The following SSH1 variants were observed in gnomAD, a reference collection of about 807,000 sequenced individuals.
SSH1 encodes the protein slingshot protein phosphatase 1.
SSH1 carries 43 observed loss-of-function variants against 79.7 expected under a neutral mutation model. The observed-to-expected ratio is 0.54, with a 90% confidence interval of 0.42 to 0.70. SSH1 has a LOEUF of 0.70. Ranked by LOEUF, SSH1 falls within the 30% of genes least tolerant of loss-of-function variation. The pLI is 0.00. For missense variants in SSH1, 1,206 were observed against 1,358.8 expected, an observed-to-expected ratio of 0.89 and a Z score of 1.77; for synonymous variants, 599 against 538.3, an observed-to-expected ratio of 1.11 and a Z score of -1.56.
At chr12:108,790,126 T>A (rs1328827777) in intron 14 of SSH1, among the ~76,000 whole-genome samples, 10 of 149,604 alleles carry the variant, frequency 6.7e-5, no homozygotes. Flanking sequence ...ATCACCCACC[T>A]GCTTAAAGGC....
Position 108,809,816 on chromosome 12 carries a change from A to G in SSH1, c.471-58T>C, listed in dbSNP as rs985857280. ...TGGTGAGAAATCAGCGCCTTGAGTG[A>G]AATCACTCTGGGAGGAGGGAGCCAA... On this transcript the variant is annotated intron_variant, in intron 6 of 14. Transcript: ENST00000326495. The G allele has an allele frequency of 3.7e-5, 55 of 1,485,334 alleles. No homozygotes were observed. The Middle Eastern group carries it at 1.5e-3, about 41-fold the overall frequency. The allele number at this position is 1,485,334 out of a possible 1,614,324, so 92.0% of individuals were successfully genotyped here.
Position 108,857,539 on chromosome 12 carries a change from G to A in SSH1, c.-43C>T. 9.6e-7 allele frequency: 1 copy of A among 1,043,190 alleles called. No individual in the cohort carries two copies. The highest frequency in any genetic ancestry group is 1.1e-4 in the East Asian group (1 of 9,456). The allele number at this position is 1,043,190 out of a possible 1,614,324, so 64.6% of individuals were successfully genotyped here. A position where few individuals can be genotyped will look rare whatever the true frequency, so the allele number is the denominator to read the frequency against. ...AGGGCGCCACAGACGTCTCGAGCTA[G>A]AGCCGCCACCGCCACCGCCGCCCGG... On this transcript the variant is annotated 5_prime_UTR_variant, in exon 1 of 15. Transcript: ENST00000326495. This position sits in a 1 kb window ranked among gnomAD's most constrained non-coding sequence, Gnocchi z 4.7.
rs1464073222 is a variant in SSH1, at chr12:108,787,719, T to C, written c.*269A>G. 5.8e-6 allele frequency: 3 copies of C among 516,972 alleles called. No homozygotes were observed. Among genetic ancestry groups the C allele is most frequent in the African/African-American group, 1.9e-5 (1 of 52,354 alleles). 32.0% of individuals were successfully genotyped at this position (516,972 alleles called of 1,614,324 possible). A position where few individuals can be genotyped will look rare whatever the true frequency, so the allele number is the denominator to read the frequency against. Reference sequence around the variant, plus strand: ...GCACGTTCTTCCTAAAACATGGTTCTTCTTGAAGACACGGTGGGAGCGGAG... The same window carrying C: ...GCACGTTCTTCCTAAAACATGGTTCCTCTTGAAGACACGGTGGGAGCGGAG... On this transcript the variant is annotated 3_prime_UTR_variant, in exon 15 of 15. Transcript: ENST00000326495.
At chr12:108,806,154 C>T (rs1593046150) in intron 9 of SSH1, 147 bp downstream of exon 9, 15 of 783,282 alleles carry the variant, frequency 1.9e-5, no homozygotes, top group African/African-American at 3.4e-5. Flanking sequence ...AATTGTAGAA[C>T]GAGGCAGAAA....
chr12:108,803,986 T>C (rs1190125891), intron 10 of SSH1, among the ~76,000 whole-genome samples: 1 of 152,224 alleles, frequency 6.6e-6, no homozygotes, highest in Non-Finnish European at 1.5e-5. Context: ...CTTCCTTAGC[T>C]TTCCCAGGAA....
At chr12:108,825,695 T>C (rs1464094456) in intron 2 of SSH1, among the ~76,000 whole-genome samples, 3 of 152,330 alleles carry the variant, frequency 2.0e-5, no homozygotes, top group African/African-American at 7.2e-5. Context: ...CATATATTTG[T>C]GCTGCAAGGT....
Position 108,799,094 on chromosome 12 carries a change from C to A in SSH1, c.1255G>T (p.Ala419Ser), listed in dbSNP as rs758895516. ...CGCTTCTGCTTTACATAGTTATATG[C>A]TTTTTCCAGAGGCCAGCCGAATTCC... ...MKEFGWPLEK[A>S]YNYVKQKRSI... is the part of the protein sequence containing the mutation. The change falls in exon 13 of 15, where the codon GCA (alanine) becomes TCA (serine). Residue 419 changes from alanine to serine, a missense_variant. By Grantham distance (99) the Ala-to-Ser change is moderately conservative (BLOSUM62 1). Transcript: ENST00000326495. 6.2e-7 allele frequency: 1 copy of A among 1,614,208 alleles called. No homozygotes were observed.
chr12:108,797,509 T>C (rs767159721), intron 13 of SSH1, among the ~76,000 whole-genome samples: 1 of 152,118 alleles, frequency 6.6e-6, no homozygotes, highest in Non-Finnish European at 1.5e-5. Flanking sequence ...TTTTACCAAT[T>C]GAATGTTGCC....
intron 2 of SSH1, among the ~76,000 whole-genome samples, chr12:108,828,682 C>T (rs1248024960): frequency 6.6e-6 from 1 of 152,214 alleles, no homozygotes; most frequent in African/African-American, 2.4e-5. Flanking sequence ...AGGGGACCCA[C>T]AGCCTTATCC....
At chr12:108,849,145 C>G (rs542159375) in intron 2 of SSH1, among the ~76,000 whole-genome samples, 1 of 152,190 alleles carries the variant, frequency 6.6e-6, no homozygotes, top group Non-Finnish European at 1.5e-5. Context: ...CCGGGAAAAC[C>G]CCCCTCCAAG....
chr12:108,799,175 GCA>G lies in SSH1; in HGVS notation c.1172_1173del (p.Val391AlafsTer30). ...GAGCGACTCACGCCCATTTTGCAAT[GCA>G]CCAGGCACTTGGAATGGTTCCTCCT... is the stretch of plus-strand genomic sequence containing the variant. ...KAKRNHSKCL[V>X]HCKMGVSRSA... On this transcript the variant is annotated frameshift_variant, in exon 13 of 15. Coordinates refer to ENST00000326495, the MANE Select transcript of SSH1 (RefSeq NM_018984.4). LOFTEE classifies it high-confidence loss of function. The G allele has an allele frequency of 6.2e-7, 1 of 1,613,960 alleles. No individual in the cohort carries two copies. The highest frequency in any genetic ancestry group is 8.5e-7 in the Non-Finnish European group (1 of 1,179,960).
chr12:108,818,441 A>G, intron 3 of SSH1, 128 bp from the exon 4 acceptor site: 2 of 764,446 alleles, frequency 2.6e-6, no homozygotes, highest in South Asian at 3.1e-5. Context: ...CCTACACCAC[A>G]GGAGAATCAC....
intron 2 of SSH1, among the ~76,000 whole-genome samples, chr12:108,840,992 G>A (rs1359704795): frequency 3.9e-5 from 6 of 152,220 alleles, no homozygotes; most frequent in African/African-American, 1.2e-4. Flanking sequence ...AGCAAATGAT[G>A]AGCAGCACAA....
chr12:108,787,717 T>G lies in SSH1; in HGVS notation c.*271A>C. ...GTGCACGTTCTTCCTAAAACATGGTTCTTCTTGAAGACACGGTGGGAGCGG... is the reference window on the plus strand; with the variant it reads ...GTGCACGTTCTTCCTAAAACATGGTGCTTCTTGAAGACACGGTGGGAGCGG... On this transcript the variant is annotated 3_prime_UTR_variant, in exon 15 of 15. Coordinates refer to ENST00000326495, the MANE Select transcript of SSH1 (RefSeq NM_018984.4). The G allele has an allele frequency of 2.0e-6, 1 of 511,900 alleles. No individual in the cohort carries two copies. The highest frequency in any genetic ancestry group is 3.5e-6 in the Non-Finnish European group (1 of 282,608). 31.7% of individuals were successfully genotyped at this position (511,900 alleles called of 1,614,324 possible).
intron 1 of SSH1, chr12:108,853,204 C>T (rs2039079702): frequency 6.1e-6 from 6 of 984,884 alleles, no homozygotes; most frequent in South Asian, 4.7e-5. Context: ...TGATGGTTCT[C>T]GAAAAGACTT....
chr12:108,826,374 C>G (rs2038308748), intron 2 of SSH1: 1 of 319,966 alleles, frequency 3.1e-6, no homozygotes, highest in African/African-American at 2.2e-5. Context: ...TGCCTCTGTT[C>G]CCCCACGACA....
chr12:108,816,978 T>C (rs1158681141), intron 5 of SSH1, 60 bp downstream of exon 5: 3 of 1,608,900 alleles, frequency 1.9e-6, no homozygotes, highest in East Asian at 4.5e-5. Context: ...ATGGAATGCT[T>C]TGTCCAGCAG....
chr12:108,852,297 G>A (rs892487254), intron 2 of SSH1, among the ~76,000 whole-genome samples: 12 of 149,682 alleles, frequency 8.0e-5, no homozygotes, highest in Non-Finnish European at 1.5e-4. Context: ...GTGCAGTGGC[G>A]CAATCTTGGC....
chr12:108,828,473 C>A (rs1435327860), intron 2 of SSH1, among the ~76,000 whole-genome samples: 1 of 152,228 alleles, frequency 6.6e-6, no homozygotes, highest in South Asian at 2.1e-4. Context: ...TCCGCTCATG[C>A]CTGCCCAGGT....
Sources: gnomAD v4.1 joint callset for allele counts (sites outside exome capture counted in the v4.1 genomes callset) on GRCh38, gnomAD v4.1.1 for gene constraint, Gnocchi (gnomAD v3.1) non-coding constraint, MANE v1.5 for transcripts, NCBI Gene and HGNC (gene_info 2026-07-23, HGNC 2026-07-21) for gene names.